The following PRKCA variants were observed in gnomAD, a reference collection of about 807,000 sequenced individuals.
PRKCA encodes the protein protein kinase C alpha.
In PRKCA, 27 loss-of-function variants were observed where a neutral mutation model predicts 87.0. The observed-to-expected ratio is 0.31, with a 90% confidence interval of 0.23 to 0.43. The LOEUF (loss-of-function observed/expected upper bound fraction) is 0.43. Ranked by LOEUF, PRKCA falls within the 20% of genes least tolerant of loss-of-function variation. PRKCA has a pLI of 1.00. For synonymous variants in PRKCA, 329 were observed against 311.1 expected, an observed-to-expected ratio of 1.06 and a Z score of -0.61; for missense variants, 518 against 852.3, an observed-to-expected ratio of 0.61 and a Z score of 4.88.
At chr17:66,303,236 C>CT (rs1340669838) in intron 1 of PRKCA, among the ~76,000 whole-genome samples, 3 of 152,126 alleles carry the variant, frequency 2.0e-5, no homozygotes, top group Non-Finnish European at 4.4e-5. Context: ...CACACACCCC[C>CT]TGGCGCGAGA....
intron 8 of PRKCA, among the ~76,000 whole-genome samples, chr17:66,725,746 G>A (rs1402093993): frequency 2.6e-5 from 4 of 151,736 alleles, no homozygotes. Context: ...GGAGGTTGAG[G>A]TTGCAGTGAA....
At chr17:66,509,669 C>CAAAT (rs1917139358) in intron 3 of PRKCA, among the ~76,000 whole-genome samples, 1 of 152,140 alleles carries the variant, frequency 6.6e-6, no homozygotes, top group Non-Finnish European at 1.5e-5. Context: ...AACGTATGAC[C>CAAAT]AAATGTCTGG....
intron 2 of PRKCA, chr17:66,415,030 TAGAATG>T (rs1912053706): frequency 6.6e-6 from 1 of 152,026 alleles, no homozygotes; most frequent in Non-Finnish European, 1.5e-5. Flanking sequence ...TCGGTGCTCA[TAGAATG>T]AGTAGTTTTT....
intron 2 of PRKCA, among the ~76,000 whole-genome samples, chr17:66,315,938 T>C (rs1850736005): frequency 1.3e-5 from 2 of 152,192 alleles, no homozygotes; most frequent in African/African-American, 4.8e-5. Flanking sequence ...TAACAATACA[T>C]CTATCACGTA....
At chr17:66,447,086 G>C (rs1914070634) in intron 2 of PRKCA, among the ~76,000 whole-genome samples, 1 of 152,192 alleles carries the variant, frequency 6.6e-6, no homozygotes, top group Non-Finnish European at 1.5e-5. Context: ...GCCATCAAAA[G>C]ACAGACTGCG....
At chr17:66,741,251 C>T (rs1974152955) in intron 11 of PRKCA, among the ~76,000 whole-genome samples, 1 of 152,172 alleles carries the variant, frequency 6.6e-6, no homozygotes, top group South Asian at 2.1e-4. Flanking sequence ...ACTTTGCCTT[C>T]CAGGGAGTAA....
At chr17:66,724,487 T>C (rs1973694046) in intron 8 of PRKCA, among the ~76,000 whole-genome samples, 1 of 152,174 alleles carries the variant, frequency 6.6e-6, no homozygotes, top group African/African-American at 2.4e-5. Flanking sequence ...TGAGATGGAC[T>C]CAAGATTTGG....
intron 3 of PRKCA, among the ~76,000 whole-genome samples, chr17:66,515,750 G>T (rs1397417411): frequency 6.6e-6 from 1 of 152,162 alleles, no homozygotes; most frequent in South Asian, 2.1e-4. Flanking sequence ...TCGCTATGTT[G>T]CCCTGGCTGG....
At chr17:66,801,612 A>G (rs1368399964) in intron 16 of PRKCA, among the ~76,000 whole-genome samples, 2 of 152,348 alleles carry the variant, frequency 1.3e-5, no homozygotes, top group Middle Eastern at 3.4e-3. Context: ...TGGCCTGTGC[A>G]CATAGGGTGA....
intron 3 of PRKCA, among the ~76,000 whole-genome samples, chr17:66,640,392 G>T (rs977148794): frequency 3.3e-5 from 5 of 152,182 alleles, no homozygotes; most frequent in Non-Finnish European, 7.3e-5. Context: ...ATGTCTGGTT[G>T]CACCTTTGGT....
chr17:66,809,382 C>G lies in PRKCA; in HGVS notation c.*5345C>G, dbSNP rs1475228710. On this transcript the variant is annotated 3_prime_UTR_variant, in exon 17 of 17. Transcript: ENST00000413366. ...TTACAGTGACCCTACACAAAAGCCCCCAAATTCCAAAGACTTTTTCTTAAC... is the reference window on the plus strand; with the variant it reads ...TTACAGTGACCCTACACAAAAGCCCGCAAATTCCAAAGACTTTTTCTTAAC... 2 of 152,532 alleles carry G rather than the reference C, an allele frequency of 1.3e-5. No individual in the cohort carries two copies. Among genetic ancestry groups the G allele is most frequent in the Non-Finnish European group, 2.9e-5 (2 of 68,026 alleles). The allele number at this position is 152,532 out of a possible 1,614,324, so 9.4% of individuals were successfully genotyped here.
At chr17:66,375,935 A>G (rs1909392353) in intron 2 of PRKCA, among the ~76,000 whole-genome samples, 1 of 152,184 alleles carries the variant, frequency 6.6e-6, no homozygotes, top group Admixed American at 6.5e-5. Context: ...AGCTGTGAAG[A>G]TAACTGAGGT....
At chr17:66,528,221 C>CAAAAA (rs60533049) in intron 3 of PRKCA, among the ~76,000 whole-genome samples, 4 of 85,944 alleles carry the variant, frequency 4.7e-5, no homozygotes, top group Non-Finnish European at 9.0e-5. Flanking sequence ...AACTCTGTCT[C>CAAAAA]AAAAAAAAAA....
intron 2 of PRKCA, among the ~76,000 whole-genome samples, chr17:66,328,657 G>A (rs1243678352): frequency 6.6e-6 from 1 of 152,128 alleles, no homozygotes; most frequent in Non-Finnish European, 1.5e-5. Flanking sequence ...AATTAGCCAG[G>A]CATGGTGGCA....
rs543086277 is a variant in PRKCA, at chr17:66,805,255, C to T, written c.*1218C>T. 42 of 656,640 alleles carry T rather than the reference C, an allele frequency of 6.4e-5. No homozygotes were observed. Among genetic ancestry groups the T allele is most frequent in the African/African-American group, 2.4e-4 (12 of 50,606 alleles). The allele number at this position is 656,640 out of a possible 1,614,324, so 40.7% of individuals were successfully genotyped here. A position where few individuals can be genotyped will look rare whatever the true frequency, so the allele number is the denominator to read the frequency against. ...TTTTGTTAATAGAAGGATTTTAATA[C>T]GTTTTGCAAATGCATCATGCAATGA... On this transcript the variant is annotated 3_prime_UTR_variant, in exon 17 of 17. Transcript: ENST00000413366.
chr17:66,656,059 G>T (rs1179671297), intron 5 of PRKCA, among the ~76,000 whole-genome samples: 1 of 152,132 alleles, frequency 6.6e-6, no homozygotes, highest in East Asian at 1.9e-4. Context: ...TCTGTGCGGG[G>T]ACTCCAACAG....
At chr17:66,671,788 A>G (rs1972193959) in intron 5 of PRKCA, among the ~76,000 whole-genome samples, 4 of 152,238 alleles carry the variant, frequency 2.6e-5, no homozygotes, top group Admixed American at 2.6e-4. Context: ...TTGGAAATCT[A>G]GAACAATTTA....
chr17:66,578,271 C>T (rs1969304450), intron 3 of PRKCA, among the ~76,000 whole-genome samples: 1 of 152,186 alleles, frequency 6.6e-6, no homozygotes, highest in Non-Finnish European at 1.5e-5. Context: ...GCAGGTAGAG[C>T]CCAGCAAGTC....
At chr17:66,314,748 G>A (rs1905220039) in intron 2 of PRKCA, among the ~76,000 whole-genome samples, 1 of 152,160 alleles carries the variant, frequency 6.6e-6, no homozygotes, top group South Asian at 2.1e-4. Context: ...CCAGTTAACA[G>A]TTGAATTGAG....
Sources: gnomAD v4.1 joint callset for allele counts (sites outside exome capture counted in the v4.1 genomes callset) on GRCh38, gnomAD v4.1.1 for gene constraint, MANE v1.5 for transcripts, NCBI Gene and HGNC (gene_info 2026-07-23, HGNC 2026-07-21) for gene names.